Variants in ULK4 observed in about 807,000 individuals in gnomAD.
ULK4 encodes unc-51 like kinase 4, also known as inactive serine/threonine-protein kinase ULK4.
ULK4 carries 133 observed loss-of-function variants against 160.6 expected under a neutral mutation model. That is an observed-to-expected ratio of 0.83 (90% confidence interval 0.72 to 0.96). The LOEUF (loss-of-function observed/expected upper bound fraction) is 0.96. Among genes scored for constraint, ULK4 ranks in the 40% least tolerant of loss-of-function variants. The pLI is 0.00. For synonymous variants in ULK4, 534 were observed against 539.8 expected, an observed-to-expected ratio of 0.99 and a Z score of 0.15; for missense variants, 1,580 against 1,499.5, an observed-to-expected ratio of 1.05 and a Z score of -0.89.
At chr3:41,943,623 A>G (rs1294856570) in intron 2 of ULK4, among the ~76,000 whole-genome samples, 1 of 151,852 alleles carries the variant, frequency 6.6e-6, no homozygotes, top group Non-Finnish European at 1.5e-5. Flanking sequence ...CTCCTCTCCT[A>G]CCTCCTAACT....
rs563667198 is a variant in ULK4, at chr3:41,913,647, T to C, written c.804-748A>G. Among the ~76,000 whole-genome samples, 8 of 152,310 alleles carry C rather than the reference T, an allele frequency of 5.3e-5. No homozygotes were observed. In the East Asian group the frequency reaches 1.5e-3, roughly 29 times the overall value. ...ACATTTAAGTTTTGGAACTATTCTG[T>C]TGGAAATTCATTCAGGAATAAATAA... On this transcript the variant is annotated intron_variant, in intron 8 of 36. Transcript: ENST00000301831.
intron 17 of ULK4, among the ~76,000 whole-genome samples, chr3:41,861,444 T>A (rs1228842094): frequency 1.3e-5 from 2 of 152,226 alleles, no homozygotes; most frequent in African/African-American, 4.8e-5. Flanking sequence ...TTATTTTCCT[T>A]CAGTACTTTA....
Position 41,866,181 on chromosome 3 carries a change from C to T in ULK4, c.1656+17693G>A, listed in dbSNP as rs141003897. 1.6e-3 allele frequency among the ~76,000 whole-genome samples: 246 copies of T among 152,348 alleles called. 1 individual carries two copies. The highest frequency in any genetic ancestry group is 5.8e-3 in the African/African-American group (242 of 41,576). ...TTGAGTTGGTCCACACCCATTCAGC[C>T]TCATCTACCACCACATGCAAGCTAT... On this transcript the variant is annotated intron_variant, in intron 17 of 36. Transcript: ENST00000301831.
chr3:41,492,917 G>C (rs1395510387), intron 32 of ULK4, among the ~76,000 whole-genome samples: 1 of 144,660 alleles, frequency 6.9e-6, no homozygotes, highest in South Asian at 2.3e-4. Context: ...GGAGCACCCA[G>C]ATTCATAAAG....
At chr3:41,791,834 A>T (rs2040160842) in intron 20 of ULK4, among the ~76,000 whole-genome samples, 1 of 152,214 alleles carries the variant, frequency 6.6e-6, no homozygotes, top group Non-Finnish European at 1.5e-5. Flanking sequence ...CCTCTCCCTA[A>T]AAACAAGTCC....
intron 32 of ULK4, among the ~76,000 whole-genome samples, chr3:41,525,361 T>C (rs1246740942): frequency 6.6e-6 from 1 of 152,174 alleles, no homozygotes; most frequent in African/African-American, 2.4e-5. Context: ...AAAAAAAATA[T>C]TTTGATGCAC....
In ULK4 at chr3:41,911,660, C is replaced by A; in HGVS notation, c.897-1G>T. ...CCCAGAACACTCCATAGTGTTTCTG[C>A]TATTATTGGAGAAAACCAACACAAT... On this transcript the variant is annotated splice_acceptor_variant, in intron 9 of 36. Coordinates refer to ENST00000301831, the MANE Select transcript of ULK4 (RefSeq NM_017886.4). LOFTEE classifies it high-confidence loss of function. 6.2e-7 allele frequency: 1 copy of A among 1,606,826 alleles called. No homozygotes were observed. The highest frequency in any genetic ancestry group is 8.5e-7 in the Non-Finnish European group (1 of 1,175,198).
Position 41,533,835 on chromosome 3 carries a change from TC to T in ULK4, c.3226+32189del, listed in dbSNP as rs1484777739. On this transcript the variant is annotated intron_variant, in intron 32 of 36. Coordinates refer to ENST00000301831, the MANE Select transcript of ULK4 (RefSeq NM_017886.4). ...TTTCTTTTTGTTTTTTGAGATGGAGTCTCGCTCTTTCGCCCAGGCCGGACTG... is the reference window on the plus strand; with the variant it reads ...TTTCTTTTTGTTTTTTGAGATGGAGTTCGCTCTTTCGCCCAGGCCGGACTG... 2.6e-5 allele frequency among the ~76,000 whole-genome samples: 4 copies of T among 152,022 alleles called. No homozygotes were observed. In the East Asian group the frequency reaches 7.8e-4, roughly 30 times the overall value.
chr3:41,683,225 T>G (rs2035979997), intron 27 of ULK4, among the ~76,000 whole-genome samples: 1 of 152,108 alleles, frequency 6.6e-6, no homozygotes, highest in Admixed American at 6.6e-5. Flanking sequence ...TTCCAGGAAC[T>G]GGCCTTACGA....
intron 30 of ULK4, among the ~76,000 whole-genome samples, chr3:41,639,023 G>A (rs541024695): frequency 6.6e-6 from 1 of 152,308 alleles, no homozygotes; most frequent in African/African-American, 2.4e-5. Context: ...ACAGAACCAT[G>A]ATGCCAAAAC....
At chr3:41,820,093 A>G (rs1475248801) in intron 18 of ULK4, among the ~76,000 whole-genome samples, 1 of 148,552 alleles carries the variant, frequency 6.7e-6, no homozygotes, top group African/African-American at 2.6e-5. Flanking sequence ...CCTATCAAAT[A>G]CAATCAGAAA....
chr3:41,754,928 C>T (rs917153039), intron 21 of ULK4, among the ~76,000 whole-genome samples: 1 of 152,170 alleles, frequency 6.6e-6, no homozygotes, highest in Non-Finnish European at 1.5e-5. Flanking sequence ...CTAGTCTACA[C>T]ATCTGAGGGC....
intron 8 of ULK4, among the ~76,000 whole-genome samples, chr3:41,915,127 C>T (rs1392579625): frequency 3.3e-5 from 5 of 151,904 alleles, no homozygotes; most frequent in South Asian, 2.1e-4. Context: ...GTGGATACAC[C>T]GTCTTAAGTA....
chr3:41,702,879 G>C (rs1157074304), intron 27 of ULK4, among the ~76,000 whole-genome samples: 1 of 144,186 alleles, frequency 6.9e-6, no homozygotes, highest in Non-Finnish European at 1.5e-5. Flanking sequence ...TTTTGAGATG[G>C]AGTTTCGCTT....
intron 19 of ULK4, among the ~76,000 whole-genome samples, chr3:41,802,758 A>C (rs1038916006): frequency 1.2e-4 from 19 of 152,234 alleles, no homozygotes; most frequent in Admixed American, 1.2e-3. Context: ...TATACATCAT[A>C]AAAATAAGGT....
At chr3:41,309,496 C>T (rs1362600252) in intron 35 of ULK4, among the ~76,000 whole-genome samples, 2 of 151,982 alleles carry the variant, frequency 1.3e-5, no homozygotes, top group Admixed American at 1.3e-4. Flanking sequence ...TGACATTGTG[C>T]CCAGCTATGA....
chr3:41,286,386 C>T (rs941158506), intron 35 of ULK4, among the ~76,000 whole-genome samples: 1 of 152,062 alleles, frequency 6.6e-6, no homozygotes, highest in Non-Finnish European at 1.5e-5. Context: ...CTGGTAGCTA[C>T]ATGAGGTTGC....
At chr3:41,903,679 C>G (rs1383743845) in intron 12 of ULK4, among the ~76,000 whole-genome samples, 1 of 151,532 alleles carries the variant, frequency 6.6e-6, no homozygotes, top group East Asian at 1.9e-4. Context: ...TGAATGTATG[C>G]ACGAATGCCA....
At chr3:41,476,698 G>A (rs184269448) in intron 32 of ULK4, among the ~76,000 whole-genome samples, 1 of 152,048 alleles carries the variant, frequency 6.6e-6, no homozygotes, top group African/African-American at 2.4e-5. Flanking sequence ...GCTTAGATCA[G>A]CTCTGCTTTG....
Sources: allele counts gnomAD v4.1 joint callset (sites outside exome capture counted in the v4.1 genomes callset), GRCh38; gene constraint gnomAD v4.1.1; transcripts MANE v1.5; gene names NCBI Gene and HGNC (gene_info 2026-07-23, HGNC 2026-07-21).